SORCS3: variants seen among roughly 807,000 people sequenced by gnomAD.
SORCS3 encodes the protein VPS10 domain-containing receptor SorCS3.
In SORCS3, 57 loss-of-function variants were observed where a neutral mutation model predicts 146.3. The ratio of observed to expected loss-of-function variants is 0.39; its 90% CI spans 0.31 to 0.49. The LOEUF (loss-of-function observed/expected upper bound fraction) is 0.49, where lower values mean the gene tolerates loss of function less well. Among genes scored for constraint, SORCS3 ranks in the 20% least tolerant of loss-of-function variants. SORCS3 has a pLI of 0.92. For synonymous variants in SORCS3, 653 were observed against 618.5 expected (o/e 1.06, Z -0.83); for missense variants, 1,341 against 1,575.5 (o/e 0.85, Z 2.52).
chr10:104,974,847 C>G (rs948020468), intron 3 of SORCS3, among the ~76,000 whole-genome samples: 2 of 152,110 alleles, frequency 1.3e-5, no homozygotes, highest in African/African-American at 2.4e-5. Context: ...TTGTTCCTTT[C>G]CATGTTTAGT....
intron 7 of SORCS3, among the ~76,000 whole-genome samples, chr10:105,114,251 TAA>T (rs1471899097): frequency 3.9e-5 from 6 of 151,930 alleles, no homozygotes; most frequent in Non-Finnish European, 8.8e-5. Flanking sequence ...GTTCATTTCA[TAA>T]AAGAGGTATA....
At chr10:104,729,836 GTGTGC>G (rs1357800702) in intron 1 of SORCS3, among the ~76,000 whole-genome samples, 14 of 152,242 alleles carry the variant, frequency 9.2e-5, no homozygotes, top group Non-Finnish European at 1.9e-4. Flanking sequence ...AAGGCAGACA[GTGTGC>G]TGTAGGGGAA....
At chr10:105,137,936 T>C (rs568453756) in intron 7 of SORCS3, among the ~76,000 whole-genome samples, 64 of 152,338 alleles carry the variant, frequency 4.2e-4, no homozygotes, top group African/African-American at 1.5e-3. Flanking sequence ...GATCTAAGGA[T>C]GATATTTTAT....
At chr10:104,988,593 T>C (rs1188817117) in intron 4 of SORCS3, among the ~76,000 whole-genome samples, 4 of 152,200 alleles carry the variant, frequency 2.6e-5, no homozygotes, top group Non-Finnish European at 5.9e-5. Context: ...TAAACCAAGG[T>C]GTTTGTCATT....
intron 1 of SORCS3, among the ~76,000 whole-genome samples, chr10:104,699,810 A>C (rs1368315003): frequency 6.6e-6 from 1 of 152,166 alleles, no homozygotes; most frequent in Non-Finnish European, 1.5e-5. Flanking sequence ...AAATCATAGG[A>C]GCTAATAGAT....
At chr10:105,099,688 G>A (rs1189368964) in intron 6 of SORCS3, among the ~76,000 whole-genome samples, 1 of 152,164 alleles carries the variant, frequency 6.6e-6, no homozygotes, top group Admixed American at 6.5e-5. Flanking sequence ...TGAGGGGCTT[G>A]TCTTGCTGAA....
intron 6 of SORCS3, among the ~76,000 whole-genome samples, chr10:105,091,873 G>A (rs906747037): frequency 1.3e-5 from 2 of 152,092 alleles, no homozygotes; most frequent in Admixed American, 1.3e-4. Flanking sequence ...TGACCCACAG[G>A]CCAGTTTTCA....
At chr10:104,786,688 C>G (rs1436177731) in intron 1 of SORCS3, among the ~76,000 whole-genome samples, 1 of 151,924 alleles carries the variant, frequency 6.6e-6, no homozygotes, top group Non-Finnish European at 1.5e-5. Flanking sequence ...AGAGCATGTG[C>G]TGGGTGAGAA....
intron 5 of SORCS3, among the ~76,000 whole-genome samples, chr10:105,062,334 A>C (rs2055493353): frequency 6.6e-6 from 1 of 152,186 alleles, no homozygotes; most frequent in Non-Finnish European, 1.5e-5. Flanking sequence ...TTGGGCACCC[A>C]GGGCCTCAGT....
intron 1 of SORCS3, among the ~76,000 whole-genome samples, chr10:104,714,525 G>A (rs796135486): frequency 6.6e-6 from 1 of 152,116 alleles, no homozygotes; most frequent in Non-Finnish European, 1.5e-5. Flanking sequence ...TTAGAAATGT[G>A]TTGTTTAATT....
intron 4 of SORCS3, among the ~76,000 whole-genome samples, chr10:104,991,175 G>A (rs1426159058): frequency 3.3e-5 from 5 of 151,840 alleles, no homozygotes; most frequent in African/African-American, 9.7e-5. Flanking sequence ...TTCTCCTTGC[G>A]GGTGGAAAAA....
At chr10:104,919,706 A>C (rs2133602716) in intron 3 of SORCS3, among the ~76,000 whole-genome samples, 1 of 152,272 alleles carries the variant, frequency 6.6e-6, no homozygotes, top group South Asian at 2.1e-4. Context: ...AAAAAAAGAA[A>C]TTAATGTTCA....
chr10:105,194,075 G>T (rs1291875621), intron 14 of SORCS3, among the ~76,000 whole-genome samples: 1 of 152,052 alleles, frequency 6.6e-6, no homozygotes, highest in Non-Finnish European at 1.5e-5. Flanking sequence ...ATAGCATAGA[G>T]AATTCATTTA....
intron 1 of SORCS3, among the ~76,000 whole-genome samples, chr10:104,760,271 T>A (rs2017105001): frequency 1.3e-5 from 2 of 152,194 alleles, no homozygotes; most frequent in Non-Finnish European, 2.9e-5. Context: ...TTGTAACTTT[T>A]GTCACTACAG....
Position 105,245,574 on chromosome 10 carries a change from C to T in SORCS3, c.2901C>T (p.Phe967=). The part of the protein sequence containing the change: ...PLITLDSSIS[F]TFLAEGTDTI... ...TCACTTTGGACAGCAGCATTTCCTTCACATTCCTTGCAGAAGGAACCGACA... is the reference window on the plus strand; with the variant it reads ...TCACTTTGGACAGCAGCATTTCCTTTACATTCCTTGCAGAAGGAACCGACA... Residue 967 remains phenylalanine (F), a synonymous_variant, in exon 21 of 27, where the codon TTC becomes TTT. Coordinates refer to ENST00000369701, the MANE Select transcript of SORCS3 (RefSeq NM_014978.3). 1 of 1,614,134 alleles carries T rather than the reference C, an allele frequency of 6.2e-7. No individual in the cohort carries two copies. Among genetic ancestry groups the T allele is most frequent in the Non-Finnish European group, 8.5e-7 (1 of 1,180,024 alleles).
intron 7 of SORCS3, among the ~76,000 whole-genome samples, chr10:105,134,602 A>G (rs1440621086): frequency 6.6e-6 from 1 of 151,396 alleles, no homozygotes; most frequent in East Asian, 1.9e-4. Flanking sequence ...CAGCCCTTTT[A>G]TGAAGCACTT....
intron 20 of SORCS3, among the ~76,000 whole-genome samples, chr10:105,224,693 G>T (rs1307094041): frequency 2.0e-5 from 3 of 152,118 alleles, no homozygotes; most frequent in Admixed American, 6.6e-5. Flanking sequence ...GACCATTTTG[G>T]ATTTCCACCA....
chr10:104,858,543 G>A (rs2018360596), intron 2 of SORCS3, among the ~76,000 whole-genome samples: 1 of 151,264 alleles, frequency 6.6e-6, no homozygotes, highest in Non-Finnish European at 1.5e-5. Flanking sequence ...GCATTTTAGA[G>A]TTTTTTCCTT....
intron 3 of SORCS3, among the ~76,000 whole-genome samples, chr10:104,934,831 A>G (rs2019243394): frequency 6.6e-6 from 1 of 152,190 alleles, no homozygotes; most frequent in Non-Finnish European, 1.5e-5. Context: ...TTGACTTAAT[A>G]CTATCTGTGA....
Sources: gnomAD v4.1 joint callset for allele counts (sites outside exome capture counted in the v4.1 genomes callset) on GRCh38, gnomAD v4.1.1 for gene constraint, MANE v1.5 for transcripts, NCBI Gene and HGNC (gene_info 2026-07-23, HGNC 2026-07-21) for gene names.